The following ING3 variants were observed in gnomAD, a reference collection of about 807,000 sequenced individuals.
ING3 encodes inhibitor of growth protein 3.
A neutral mutation model predicts 64.8 loss-of-function variants in ING3; 6 were observed. The ratio of observed to expected loss-of-function variants is 0.09; its 90% CI spans 0.05 to 0.18. The LOEUF is 0.18. Among genes scored for constraint, ING3 ranks in the 10% least tolerant of loss-of-function variants. The pLI is 1.00. For synonymous variants in ING3, 170 were observed against 173.7 expected, an observed-to-expected ratio of 0.98 and a Z score of 0.17; for missense variants, 310 against 489.7, an observed-to-expected ratio of 0.63 and a Z score of 3.46.
intron 4 of ING3, among the ~76,000 whole-genome samples, chr7:120,957,371 TA>T (rs35872651): frequency 5.8e-3 from 804 of 138,972 alleles, no homozygotes; most frequent in African/African-American, 4.7e-3. Context: ...GACTCTGTCT[TA>T]AAAAAAAAAA....
chr7:120,967,435 C>G, intron 6 of ING3, 94 bp from the exon 7 acceptor site: 2 of 858,858 alleles, frequency 2.3e-6, no homozygotes, highest in African/African-American at 3.5e-5. Context: ...GAACCCAGAT[C>G]ATACTGTTTC....
chr7:120,971,498 C>G (rs1584995448), intron 10 of ING3, among the ~76,000 whole-genome samples: 1 of 152,144 alleles, frequency 6.6e-6, no homozygotes, highest in Non-Finnish European at 1.5e-5. Flanking sequence ...TTTCATAACA[C>G]GTGTCTATGC....
chr7:120,973,385 T>G, intron 11 of ING3, 142 bp downstream of exon 11: 2 of 579,562 alleles, frequency 3.5e-6, no homozygotes, highest in South Asian at 4.2e-5. Context: ...TGCTAGAATA[T>G]TCCTCTTCAA....
rs886878350 is a variant in ING3, at chr7:120,950,833, G to A, written c.-64G>A. The A allele has an allele frequency of 6.6e-6, 10 of 1,516,162 alleles. No homozygotes were observed. The Admixed American group carries it at 1.4e-4, about 22-fold the overall frequency. The allele number at this position is 1,516,162 out of a possible 1,614,324, so 93.9% of individuals were successfully genotyped here. On this transcript the variant is annotated 5_prime_UTR_variant, in exon 1 of 12. Transcript: ENST00000315870. ...GCCATATTGGAGGGGACAAAACTCC[G>A]GCGACAGCGAGTGACACAAATAAAC...
At chr7:120,965,561 A>G (rs1037933564) in intron 5 of ING3, among the ~76,000 whole-genome samples, 4 of 152,224 alleles carry the variant, frequency 2.6e-5, no homozygotes, top group African/African-American at 9.6e-5. Context: ...AATTAATATT[A>G]TGGCTAATTT....
intron 8 of ING3, among the ~76,000 whole-genome samples, chr7:120,968,599 C>A (rs1584994076): frequency 1.3e-5 from 2 of 152,220 alleles, no homozygotes; most frequent in East Asian, 3.9e-4. Context: ...AATCCCAGCT[C>A]TTTGATAGGC....
intron 4 of ING3, chr7:120,956,170 A>G (rs531952876): frequency 3.7e-6 from 6 of 1,607,874 alleles, no homozygotes; most frequent in Non-Finnish European, 5.1e-6. Flanking sequence ...CAGCACTTCT[A>G]AAAGATTGAA....
rs1796113888 is a variant in ING3, at chr7:120,974,799, A to G, written c.1212A>G (p.Pro404=). 2 of 1,612,892 alleles carry G rather than the reference A, an allele frequency of 1.2e-6. No individual in the cohort carries two copies. The highest frequency in any genetic ancestry group is 1.7e-6 in the Non-Finnish European group (2 of 1,179,102). The change falls in exon 12 of 12, where the codon CCA becomes CCG. Residue 404 remains proline, a synonymous_variant. Transcript: ENST00000315870. ...TEAPKGKWYC[P]QCTAAMKRRG... ...CACCAAAAGGCAAATGGTACTGTCC[A>G]CAGTGCACTGCTGCAATGAAGAGAA... is the stretch of plus-strand genomic sequence containing the variant.
intron 7 of ING3, 93 bp downstream of exon 7, chr7:120,967,741 C>T (rs58433173): frequency 1.2e-5 from 17 of 1,366,514 alleles, no homozygotes; most frequent in Admixed American, 2.2e-5. Flanking sequence ...CATACAGTTT[C>T]TTTACCTGGT....
At position 120,976,932 on chromosome 7, in the gene ING3, G is replaced by A. The variant is rs935943386; in HGVS notation, c.*2088G>A. On this transcript the variant is annotated 3_prime_UTR_variant, in exon 12 of 12. Coordinates refer to ENST00000315870, the MANE Select transcript of ING3 (RefSeq NM_019071.3). ...GTTAATATCTGAGTCATATATAATG[G>A]GGCCAAACATGGAACTACCTCATCA... The A allele has an allele frequency of 1.3e-5, 2 of 152,090 alleles. No individual in the cohort carries two copies. Among genetic ancestry groups the A allele is most frequent in the Non-Finnish European group, 2.9e-5 (2 of 68,026 alleles). The allele number at this position is 152,090 out of a possible 1,614,324, so 9.4% of individuals were successfully genotyped here.
chr7:120,974,669 A>G lies in ING3; in HGVS notation c.1141-59A>G, dbSNP rs542570266. The G allele has an allele frequency of 6.0e-5, 54 of 907,014 alleles. No individual in the cohort carries two copies. The African/African-American group carries it at 8.4e-4, about 14-fold the overall frequency. The allele number at this position is 907,014 out of a possible 1,614,324, so 56.2% of individuals were successfully genotyped here. A position where few individuals can be genotyped will look rare whatever the true frequency, so the allele number is the denominator to read the frequency against. On this transcript the variant is annotated intron_variant, in intron 11 of 11. Coordinates refer to ENST00000315870, the MANE Select transcript of ING3 (RefSeq NM_019071.3). The stretch of plus-strand genomic sequence containing the variant: ...TATTCAGTCTCCTGAGCATATTTTA[A>G]TATACTCTCTTGTCTTCAGAAGTAC...
Position 120,953,205 on chromosome 7 carries a change from A to C in ING3, c.101-99A>C, listed in dbSNP as rs929771514. The C allele has an allele frequency of 9.9e-5, 60 of 603,870 alleles. No homozygotes were observed. The African/African-American group carries it at 1.1e-3, about 11-fold the overall frequency. 37.4% of individuals were successfully genotyped at this position (603,870 alleles called of 1,614,324 possible). On this transcript the variant is annotated intron_variant, in intron 2 of 11. Coordinates refer to ENST00000315870, the MANE Select transcript of ING3 (RefSeq NM_019071.3). ...ATTTAAGTTACTGGCAAGGTGAAAG[A>C]GTGTGTATTGTCAGATTTTTTCCCT... is the stretch of plus-strand genomic sequence containing the variant.
intron 10 of ING3, among the ~76,000 whole-genome samples, chr7:120,971,365 C>CA (rs1336100208): frequency 2.0e-5 from 3 of 151,954 alleles, no homozygotes; most frequent in Admixed American, 1.3e-4. Flanking sequence ...CCAGCCTTGT[C>CA]AGAGTAGGAC....
chr7:120,973,162 T>G (rs1364962419), intron 10 of ING3, 43 bp from the exon 11 acceptor site: 1 of 1,104,616 alleles, frequency 9.1e-7, no homozygotes, highest in Non-Finnish European at 1.4e-6. Flanking sequence ...TCTAGGTGTT[T>G]GTTACATAGT....
At chr7:120,950,955 G>C (rs753466380) in intron 1 of ING3, 31 bp downstream of exon 1, 1 of 1,612,804 alleles carries the variant, frequency 6.2e-7, no homozygotes, top group East Asian at 2.2e-5. Context: ...GCGGCCGCCA[G>C]TGGGACGTGC....
intron 3 of ING3, 114 bp downstream of exon 3, chr7:120,953,518 C>T (rs982586875): frequency 4.8e-6 from 3 of 623,042 alleles, no homozygotes; most frequent in South Asian, 2.0e-5. Flanking sequence ...ATCAATGACT[C>T]CTTAGAATAT....
chr7:120,974,423 C>G (rs1796108961), intron 11 of ING3, among the ~76,000 whole-genome samples: 1 of 151,952 alleles, frequency 6.6e-6, no homozygotes, highest in Non-Finnish European at 1.5e-5. Flanking sequence ...AAGATTCATC[C>G]CACTTCTTTT....
At chr7:120,952,472 T>C (rs1448829580) in intron 2 of ING3, among the ~76,000 whole-genome samples, 2 of 152,324 alleles carry the variant, frequency 1.3e-5, no homozygotes, top group East Asian at 3.9e-4. Context: ...TTAAATTCTC[T>C]TGTAATTTGG....
At chr7:120,954,241 C>G (rs1158167052) in intron 3 of ING3, among the ~76,000 whole-genome samples, 2 of 152,002 alleles carry the variant, frequency 1.3e-5, no homozygotes, top group South Asian at 4.1e-4. Context: ...GCCTGGCCAA[C>G]CTGGTGAAAC....
Sources: allele counts gnomAD v4.1 joint callset (sites outside exome capture counted in the v4.1 genomes callset), GRCh38; gene constraint gnomAD v4.1.1; transcripts MANE v1.5; gene names NCBI Gene and HGNC (gene_info 2026-07-23, HGNC 2026-07-21).